NXPE2: variants seen among roughly 807,000 people sequenced by gnomAD.
NXPE2 encodes NXPE family member 2.
Under a neutral mutation model 34.4 loss-of-function variants are expected in NXPE2, and 34 were observed. The observed-to-expected ratio is 0.99, with a 90% CI of 0.75 to 1.31. The LOEUF (loss-of-function observed/expected upper bound fraction) is 1.31, where lower values mean the gene tolerates loss of function less well. Among genes scored for constraint, NXPE2 ranks in the 40% most tolerant of loss-of-function variants. The probability of loss-of-function intolerance (pLI) is 0.00; values close to 1 mark genes in which losing one functional copy is unlikely to be tolerated. For synonymous variants in NXPE2, 235 were observed against 231.3 expected (o/e 1.02, Z -0.15); for missense variants, 649 against 672.5 (o/e 0.97, Z 0.39).
rs773922645 is a variant in NXPE2, at chr11:114,706,548, G to A, written c.1298G>A (p.Arg433Gln). 2.7e-5 allele frequency: 42 copies of A among 1,551,694 alleles called. No homozygotes were observed. The highest frequency in any genetic ancestry group is 3.6e-5 in the Non-Finnish European group (41 of 1,147,016). Residue 433 changes from arginine to glutamine, a missense_variant, in exon 6 of 6, where the codon CGG (arginine) becomes CAG (glutamine). Physicochemically the swap from Arg to Gln is conservative, Grantham distance 43 (BLOSUM62 1). Coordinates refer to ENST00000389586, the MANE Select transcript of NXPE2 (RefSeq NM_182495.6). Reference protein sequence around the residue: ...FSVKDENYIPREIDQVAGDKN... With the variant: ...FSVKDENYIPQEIDQVAGDKN... ...GTGAAAGATGAAAACTATATCCCAC[G>A]GGAAATTGACCAGGTAGCAGGAGAC...
chr11:114,678,712 T>G (rs1372501128), intron 1 of NXPE2, 111 bp downstream of exon 1: 1 of 757,344 alleles, frequency 1.3e-6, no homozygotes, highest in African/African-American at 1.8e-5. Flanking sequence ...TAGAGGATAG[T>G]AAAATCGTTT....
the NXPE2 span, among the ~76,000 whole-genome samples, chr11:114,636,238 A>G: frequency 1.3e-5 from 2 of 151,976 alleles, no homozygotes; most frequent in East Asian, 1.9e-4. Context: ...TAGATTCTCT[A>G]GTTTATTTGC....
At chr11:114,781,259 G>A in the NXPE2 span, among the ~76,000 whole-genome samples, 1 of 152,196 alleles carries the variant, frequency 6.6e-6, no homozygotes, top group African/African-American at 2.4e-5. Flanking sequence ...CAGCTTCCCT[G>A]TGGGTAAGTT....
chr11:114,747,791 C>G, the NXPE2 span, among the ~76,000 whole-genome samples: 1 of 152,160 alleles, frequency 6.6e-6, no homozygotes. Flanking sequence ...CAGCGCCAAA[C>G]CATATCACCT....
At chr11:114,810,591 T>C in the NXPE2 span, among the ~76,000 whole-genome samples, 2 of 151,988 alleles carry the variant, frequency 1.3e-5, no homozygotes, top group Non-Finnish European at 2.9e-5. Flanking sequence ...GAAAAAATGC[T>C]CATCATCACT....
intron 3 of NXPE2, among the ~76,000 whole-genome samples, chr11:114,703,738 T>C (rs1951416902): frequency 1.3e-5 from 2 of 151,928 alleles, no homozygotes; most frequent in East Asian, 1.9e-4. Context: ...GATAGATAGA[T>C]AGATGTTAGA....
At chr11:114,679,894 C>G in intron 2 of NXPE2, 132 bp downstream of exon 2, 2 of 588,270 alleles carry the variant, frequency 3.4e-6, no homozygotes, top group Non-Finnish European at 6.1e-6. Flanking sequence ...CAGGGGTTCA[C>G]TGTTCAGCAT....
the NXPE2 span, among the ~76,000 whole-genome samples, chr11:114,517,662 G>C: frequency 1.4e-4 from 22 of 152,180 alleles, no homozygotes; most frequent in African/African-American, 5.3e-4. Flanking sequence ...TCCAATCATG[G>C]AGCTGGGATC....
At chr11:114,695,406 A>C (rs1951231196) in intron 2 of NXPE2, among the ~76,000 whole-genome samples, 1 of 152,182 alleles carries the variant, frequency 6.6e-6, no homozygotes. Flanking sequence ...TCCTATACCC[A>C]CGTCTATCCT....
chr11:114,587,211 C>A, the NXPE2 span, among the ~76,000 whole-genome samples: 1 of 152,152 alleles, frequency 6.6e-6, no homozygotes, highest in Non-Finnish European at 1.5e-5. Context: ...CCTCCAAAAC[C>A]AAATTTTAGT....
the NXPE2 span, among the ~76,000 whole-genome samples, chr11:114,577,611 T>G: frequency 3.9e-5 from 6 of 152,302 alleles, no homozygotes; most frequent in African/African-American, 1.2e-4. Flanking sequence ...CACGCCACCT[T>G]ATAGAATCAT....
chr11:114,489,002 C>T, the NXPE2 span, among the ~76,000 whole-genome samples: 15 of 151,744 alleles, frequency 9.9e-5, no homozygotes, highest in East Asian at 1.9e-4. Flanking sequence ...ATCAAATAGA[C>T]GCAATAAAAA....
chr11:114,791,329 CT>C, the NXPE2 span, among the ~76,000 whole-genome samples: 1 of 152,128 alleles, frequency 6.6e-6, no homozygotes, highest in African/African-American at 2.4e-5. Context: ...CCAAACTATT[CT>C]TTTAGTTGAA....
At chr11:114,523,722 G>T in the NXPE2 span, among the ~76,000 whole-genome samples, 1 of 152,140 alleles carries the variant, frequency 6.6e-6, no homozygotes, top group South Asian at 2.1e-4. Flanking sequence ...ATTACAGGTA[G>T]GTAGCAGTGA....
At chr11:114,710,680 G>A (rs990428943), downstream of NXPE2, among the ~76,000 whole-genome samples, 2 of 152,106 alleles carry the variant, frequency 1.3e-5, no homozygotes, top group South Asian at 2.1e-4. Flanking sequence ...AACATTTAAA[G>A]AAGAATTAAC....
At chr11:114,721,695 C>T in the NXPE2 span, among the ~76,000 whole-genome samples, 1 of 152,136 alleles carries the variant, frequency 6.6e-6, no homozygotes, top group Non-Finnish European at 1.5e-5. Flanking sequence ...ATTTTATTTA[C>T]TTCTCATACT....
chr11:114,570,864 C>A, the NXPE2 span: 20 of 1,055,408 alleles, frequency 1.9e-5, no homozygotes, highest in Non-Finnish European at 2.7e-5. Context: ...GAGCCAAACA[C>A]AGCATCTGGC....
At chr11:114,630,682 TTAAAC>T in the NXPE2 span, among the ~76,000 whole-genome samples, 2 of 150,530 alleles carry the variant, frequency 1.3e-5, no homozygotes, top group African/African-American at 4.9e-5. Flanking sequence ...TGGGATCTAA[TTAAAC>T]TAAAGAGCTT....
the NXPE2 span, among the ~76,000 whole-genome samples, chr11:114,772,436 A>C: frequency 6.6e-6 from 1 of 152,170 alleles, no homozygotes; most frequent in Non-Finnish European, 1.5e-5. Context: ...CACTTCATTT[A>C]GGAGACATTG....
Sources: allele counts gnomAD v4.1 joint callset (sites outside exome capture counted in the v4.1 genomes callset), GRCh38; gene constraint gnomAD v4.1.1; transcripts MANE v1.5; gene names NCBI Gene and HGNC (gene_info 2026-07-23, HGNC 2026-07-21).